Variants in TAFA1 observed in about 807,000 individuals in gnomAD.
The protein encoded by TAFA1 is chemokine-like protein TAFA-1.
TAFA1 carries 4 observed loss-of-function variants against 18.5 expected under a neutral mutation model. The observed-to-expected ratio is 0.22, with a 90% CI of 0.11 to 0.49. The LOEUF is 0.49. Ranked by LOEUF, TAFA1 falls within the 20% of genes least tolerant of loss-of-function variation. TAFA1 has a pLI of 0.98. For synonymous variants in TAFA1, 56 were observed against 55.2 expected, an observed-to-expected ratio of 1.01 and a Z score of -0.06; for missense variants, 147 against 169.0, an observed-to-expected ratio of 0.87 and a Z score of 0.72.
At chr3:68,483,903 T>C (rs1414049439) in intron 3 of TAFA1, among the ~76,000 whole-genome samples, 5 of 152,204 alleles carry the variant, frequency 3.3e-5, no homozygotes, top group African/African-American at 7.2e-5. Flanking sequence ...GACTGAGGTA[T>C]GAAGCTTGAT....
At chr3:68,481,879 C>T (rs2072243773) in intron 3 of TAFA1, among the ~76,000 whole-genome samples, 1 of 152,320 alleles carries the variant, frequency 6.6e-6, no homozygotes, top group Middle Eastern at 3.4e-3. Flanking sequence ...TCATTTCACA[C>T]TGAAACACAG....
intron 2 of TAFA1, among the ~76,000 whole-genome samples, chr3:68,155,829 G>A (rs997285908): frequency 2.6e-5 from 4 of 152,092 alleles, no homozygotes; most frequent in Non-Finnish European, 5.9e-5. Context: ...GTTTCATGAA[G>A]TAATTGCAGG....
chr3:67,994,853 C>T, the TAFA1 span, among the ~76,000 whole-genome samples: 6 of 152,064 alleles, frequency 3.9e-5, no homozygotes, highest in African/African-American at 1.4e-4. Context: ...TATGTGTGAT[C>T]ATGTCAAGGG....
chr3:68,088,616 A>G (rs1022865819), intron 2 of TAFA1, among the ~76,000 whole-genome samples: 4 of 152,222 alleles, frequency 2.6e-5, no homozygotes, highest in African/African-American at 9.6e-5. Flanking sequence ...GGAAGTTAAC[A>G]GTGAAATGGT....
At chr3:67,994,391 T>C in the TAFA1 span, among the ~76,000 whole-genome samples, 5 of 152,216 alleles carry the variant, frequency 3.3e-5, no homozygotes, top group Admixed American at 6.5e-5. Flanking sequence ...AGTCTGTTTA[T>C]TTTTAAACTG....
chr3:68,391,901 A>C (rs2070259438), intron 2 of TAFA1, among the ~76,000 whole-genome samples: 1 of 152,216 alleles, frequency 6.6e-6, no homozygotes, highest in African/African-American at 2.4e-5. Context: ...GCCACTGCAA[A>C]AGCATATCAA....
intron 2 of TAFA1, among the ~76,000 whole-genome samples, chr3:68,313,190 C>A (rs1252726753): frequency 6.6e-6 from 1 of 152,214 alleles, no homozygotes; most frequent in African/African-American, 2.4e-5. Context: ...AACCATATTT[C>A]TCATCATGTT....
intron 2 of TAFA1, among the ~76,000 whole-genome samples, chr3:68,199,499 A>G (rs1466992060): frequency 6.6e-6 from 1 of 151,442 alleles, no homozygotes; most frequent in Non-Finnish European, 1.5e-5. Flanking sequence ...TGAATATGGA[A>G]TTTTTCTCCA....
chr3:68,176,092 C>T (rs2106971074), intron 2 of TAFA1, among the ~76,000 whole-genome samples: 1 of 152,366 alleles, frequency 6.6e-6, no homozygotes, highest in Admixed American at 6.5e-5. Flanking sequence ...ACCTCCCCAG[C>T]CATGTGGAAC....
intron 2 of TAFA1, among the ~76,000 whole-genome samples, chr3:68,263,358 G>A (rs2067473790): frequency 6.6e-6 from 1 of 150,846 alleles, no homozygotes; most frequent in African/African-American, 2.4e-5. Flanking sequence ...ATTTTTTTGT[G>A]GAACATACAC....
In TAFA1 at chr3:68,287,908, G is replaced by GA. The variant is rs200227146; in HGVS notation, c.119-129372_119-129371insA. The stretch of plus-strand genomic sequence containing the variant: ...GAGGATTTTGCTTTTTGTTTTTGTT[G>GA]GGGGGTGGGGGGGCTTTTTGAAAAT... On this transcript the variant is annotated intron_variant, in intron 2 of 4. Coordinates refer to ENST00000478136, the MANE Select transcript of TAFA1 (RefSeq NM_213609.4). 8.5e-5 allele frequency among the ~76,000 whole-genome samples: 6 copies of GA among 70,910 alleles called. No individual in the cohort carries two copies. In the South Asian group the frequency reaches 2.4e-3, roughly 29 times the overall value. 46.5% of individuals were successfully genotyped at this position (70,910 alleles called of 152,430 possible).
chr3:68,466,452 G>C (rs1385403724), intron 3 of TAFA1, among the ~76,000 whole-genome samples: 1 of 151,966 alleles, frequency 6.6e-6, no homozygotes, highest in Non-Finnish European at 1.5e-5. Context: ...TTAAATTATA[G>C]CAATACTAAA....
At chr3:68,093,001 T>G (rs2065046057) in intron 2 of TAFA1, among the ~76,000 whole-genome samples, 1 of 152,214 alleles carries the variant, frequency 6.6e-6, no homozygotes, top group Admixed American at 6.5e-5. Context: ...CAGTTTCTTT[T>G]GGATACATAA....
chr3:68,123,483 C>T (rs1385896515), intron 2 of TAFA1, among the ~76,000 whole-genome samples: 1 of 152,188 alleles, frequency 6.6e-6, no homozygotes, highest in East Asian at 1.9e-4. Context: ...AGAACTTTCC[C>T]TACTATATTG....
rs182975354 is a variant in TAFA1, at chr3:68,209,623, C to T, written c.118+202879C>T. Among the ~76,000 whole-genome samples the T allele has an allele frequency of 3.0e-4, 46 of 152,120 alleles. No homozygotes were observed. The East Asian group carries it at 7.0e-3, about 23-fold the overall frequency. Reference sequence around the variant, plus strand: ...GTTTCAGCCTGTGATTTTCTGGCTTCCAATGTGTTTAGACATTGACTCAAA... The same window carrying T: ...GTTTCAGCCTGTGATTTTCTGGCTTTCAATGTGTTTAGACATTGACTCAAA... On this transcript the variant is annotated intron_variant, in intron 2 of 4. Coordinates refer to ENST00000478136, the MANE Select transcript of TAFA1 (RefSeq NM_213609.4).
intron 3 of TAFA1, among the ~76,000 whole-genome samples, chr3:68,434,452 C>G (rs2071234658): frequency 6.6e-6 from 1 of 152,020 alleles, no homozygotes; most frequent in South Asian, 2.1e-4. Context: ...TTATTAGATA[C>G]CATACCTAAG....
At chr3:68,262,349 A>ATTTATT (rs1435596729) in intron 2 of TAFA1, among the ~76,000 whole-genome samples, 2 of 78,742 alleles carry the variant, frequency 2.5e-5, no homozygotes, top group South Asian at 1.1e-3. Flanking sequence ...ATATATATAT[A>ATTTATT]TATATATATT....
At chr3:68,035,624 G>A (rs1172805898) in intron 2 of TAFA1, among the ~76,000 whole-genome samples, 1 of 152,164 alleles carries the variant, frequency 6.6e-6, no homozygotes, top group African/African-American at 2.4e-5. Context: ...AAAACTGGAA[G>A]TTTCTTATCA....
At chr3:68,375,070 A>T (rs141943459) in intron 2 of TAFA1, among the ~76,000 whole-genome samples, 8 of 152,148 alleles carry the variant, frequency 5.3e-5, no homozygotes, top group African/African-American at 1.9e-4. Context: ...TCAAAACCAA[A>T]TCTTTGTATA....
Sources: gnomAD v4.1 joint callset for allele counts (sites outside exome capture counted in the v4.1 genomes callset) on GRCh38, gnomAD v4.1.1 for gene constraint, MANE v1.5 for transcripts, NCBI Gene and HGNC (gene_info 2026-07-23, HGNC 2026-07-21) for gene names.